TTF1: variants seen among roughly 807,000 people sequenced by gnomAD.
The protein encoded by TTF1 is transcription termination factor, RNA polymerase I.
In TTF1, 64 loss-of-function variants were observed where a neutral mutation model predicts 80.2. The ratio of observed to expected loss-of-function variants is 0.80; its 90% CI spans 0.65 to 0.98. The LOEUF is 0.98. Among genes scored for constraint, TTF1 ranks in the 50% least tolerant of loss-of-function variants. The pLI is 0.00. For synonymous variants in TTF1, 372 were observed against 382.7 expected, an observed-to-expected ratio of 0.97 and a Z score of 0.33; for missense variants, 1,023 against 1,086.2, an observed-to-expected ratio of 0.94 and a Z score of 0.82.
At chr9:132,399,152 T>C (rs1446896852) in intron 3 of TTF1, among the ~76,000 whole-genome samples, 1 of 140,154 alleles carries the variant, frequency 7.1e-6, no homozygotes. Flanking sequence ...TGAGCCGAGA[T>C]CATGCCACTG....
chr9:132,377,947 GGTGTGAGTGCATGTGGTGT>G (rs1849259458), intron 10 of TTF1, among the ~76,000 whole-genome samples: 3 of 124,680 alleles, frequency 2.4e-5, no homozygotes, highest in Admixed American at 8.5e-5. Flanking sequence ...GAATGCATGT[GGTGTGAGTGCATGTGGTGT>G]GTGTGAGTGC....
rs548985050 is a variant in TTF1 at position 132,389,182 on chromosome 9, C to CTTT, written c.2223-957_2223-955dup. On this transcript the variant is annotated intron_variant, in intron 7 of 10. Transcript: ENST00000334270. ...ACTTGAGGCTTATAACTCACTCTTC[C>CTTT]TTTTTTTTTTTTTTTTTTGAGACGG... Among the ~76,000 whole-genome samples the CTTT allele has an allele frequency of 3.4e-4, 46 of 135,112 alleles. 1 individual carries two copies. The highest frequency in any genetic ancestry group is 1.2e-3 in the African/African-American group (41 of 35,146). 88.6% of individuals were successfully genotyped at this position (135,112 alleles called of 152,430 possible). A position where few individuals can be genotyped will look rare whatever the true frequency, so the allele number is the denominator to read the frequency against.
Position 132,401,986 on chromosome 9 carries a change from T to G in TTF1, c.836A>C (p.Lys279Thr). 6.2e-7 allele frequency: 1 copy of G among 1,613,326 alleles called. No individual in the cohort carries two copies. Among genetic ancestry groups the G allele is most frequent in the Non-Finnish European group, 8.5e-7 (1 of 1,179,618 alleles). The change falls in exon 2 of 11, where the codon AAG becomes ACG. Residue 279 changes from lysine to threonine, a missense_variant. Coordinates refer to ENST00000334270, the MANE Select transcript of TTF1 (RefSeq NM_007344.4). ...TTCCTGGTGATTGGACTTTTTCTTCTTTTTTTTCTTAGACTTTTTTTTGTG... is the reference window on the plus strand; with the variant it reads ...TTCCTGGTGATTGGACTTTTTCTTCGTTTTTTTCTTAGACTTTTTTTTGTG... ...PTHKKKSKKK[K>T]KKKSNHQEFE...
At chr9:132,390,931 T>G in intron 6 of TTF1, 100 bp from the exon 7 acceptor site, 1 of 1,061,934 alleles carries the variant, frequency 9.4e-7, no homozygotes, top group Non-Finnish European at 1.4e-6. Context: ...CAGAAAATAA[T>G]GTGCATCTCA....
chr9:132,405,445 T>C (rs1459376533), intron 1 of TTF1, among the ~76,000 whole-genome samples: 1 of 152,188 alleles, frequency 6.6e-6, no homozygotes, highest in Non-Finnish European at 1.5e-5. Flanking sequence ...TGACCTCAGG[T>C]GACCCACCTG....
At chr9:132,386,513 T>C in intron 9 of TTF1, 43 bp downstream of exon 9, 1 of 1,426,296 alleles carries the variant, frequency 7.0e-7, no homozygotes, top group Non-Finnish European at 9.8e-7. Flanking sequence ...TATTAAGTCA[T>C]CTCTATATTT....
In TTF1 at chr9:132,401,499, T is replaced by A; in HGVS notation, c.1323A>T (p.Lys441Asn). The A allele has an allele frequency of 6.2e-7, 1 of 1,613,990 alleles. No homozygotes were observed. Among genetic ancestry groups the A allele is most frequent in the Non-Finnish European group, 8.5e-7 (1 of 1,179,948 alleles). ...EGVKSRPRQK[K>N]TQACLASKHV... ...GCTTGCTTGCCAAACAGGCCTGGGT[T>A]TTCTTTTGTCGGGGCCTAGATTTCA... is the stretch of plus-strand genomic sequence containing the variant. Residue 441 changes from lysine (K) to asparagine (N), a missense_variant, in exon 2 of 11, where the codon AAA becomes AAT. Coordinates refer to ENST00000334270, the MANE Select transcript of TTF1 (RefSeq NM_007344.4).
intron 5 of TTF1, among the ~76,000 whole-genome samples, chr9:132,394,579 C>A (rs1849613807): frequency 6.6e-6 from 1 of 151,980 alleles, no homozygotes; most frequent in East Asian, 2.0e-4. Flanking sequence ...CTGTGCCTGG[C>A]CTACTTTTCA....
At chr9:132,395,885 C>A (rs973062300) in intron 5 of TTF1, among the ~76,000 whole-genome samples, 2 of 152,146 alleles carry the variant, frequency 1.3e-5, no homozygotes, top group African/African-American at 4.8e-5. Context: ...GCTCGGTCTA[C>A]GTTTGGTTTG....
chr9:132,385,049 T>C (rs1280417038), intron 9 of TTF1, among the ~76,000 whole-genome samples: 3 of 152,086 alleles, frequency 2.0e-5, no homozygotes, highest in East Asian at 3.8e-4. Flanking sequence ...TCCTTATGGG[T>C]GGGGCATGAT....
At chr9:132,378,652 A>G (rs1479455436) in intron 10 of TTF1, among the ~76,000 whole-genome samples, 1 of 65,004 alleles carries the variant, frequency 1.5e-5, no homozygotes. Flanking sequence ...ATGTGGTGTG[A>G]GTGCATACGT....
intron 2 of TTF1, 74 bp from the exon 3 acceptor site, chr9:132,400,332 T>C (rs1564190195): frequency 2.4e-6 from 3 of 1,273,380 alleles, no homozygotes; most frequent in Non-Finnish European, 2.3e-6. Context: ...TTTTTCCTTC[T>C]TTTTTTTCGT....
At chr9:132,388,341 T>TA in intron 7 of TTF1, 113 bp from the exon 8 acceptor site, 1 of 689,698 alleles carries the variant, frequency 1.4e-6, no homozygotes, top group South Asian at 2.1e-5. Context: ...TTCTAACTTT[T>TA]CTTTTTTTTT....
chr9:132,402,189 TG>T lies in TTF1; in HGVS notation c.632del (p.Pro211GlnfsTer57), dbSNP rs1849778935. 1 of 1,614,058 alleles carries T rather than the reference TG, an allele frequency of 6.2e-7. No individual in the cohort carries two copies. Among genetic ancestry groups the T allele is most frequent in the African/African-American group, 1.3e-5 (1 of 74,910 alleles). ...VGPGGEITEL[P>X]ASAHKNKSKK... is the part of the protein sequence containing the mutation. ...TAGACTTGTTTTTATGAGCAGATGC[TG>T]GTAGTTCTGTAATTTCACCCCCTGG... On this transcript the variant is annotated frameshift_variant, in exon 2 of 11. Coordinates refer to ENST00000334270, the MANE Select transcript of TTF1 (RefSeq NM_007344.4). LOFTEE classifies it high-confidence loss of function.
chr9:132,380,076 C>CTT (rs908325736), intron 9 of TTF1, among the ~76,000 whole-genome samples: 3 of 145,184 alleles, frequency 2.1e-5, no homozygotes, highest in African/African-American at 7.5e-5. Flanking sequence ...GCATTATCTT[C>CTT]TTTTTTTTTT....
intron 9 of TTF1, among the ~76,000 whole-genome samples, chr9:132,382,444 C>T (rs1446983083): frequency 6.6e-6 from 1 of 152,110 alleles, no homozygotes; most frequent in Non-Finnish European, 1.5e-5. Flanking sequence ...AATTATGTAC[C>T]TTGTGACGTA....
intron 4 of TTF1, 62 bp downstream of exon 4, chr9:132,398,079 G>T: frequency 1.4e-6 from 2 of 1,425,516 alleles, no homozygotes; most frequent in Non-Finnish European, 1.9e-6. Context: ...ACTTACCATG[G>T]GTTATCTTGT....
chr9:132,389,933 T>C (rs1564186313), intron 7 of TTF1, among the ~76,000 whole-genome samples: 1 of 152,204 alleles, frequency 6.6e-6, no homozygotes, highest in Non-Finnish European at 1.5e-5. Context: ...ACTACACTTG[T>C]GATTTCTCTC....
At chr9:132,398,726 C>G (rs1849703060) in intron 3 of TTF1, among the ~76,000 whole-genome samples, 1 of 152,086 alleles carries the variant, frequency 6.6e-6, no homozygotes, top group Non-Finnish European at 1.5e-5. Flanking sequence ...TCCCGAGTAG[C>G]TGGGACTACA....
Sources: allele counts gnomAD v4.1 joint callset (sites outside exome capture counted in the v4.1 genomes callset), GRCh38; gene constraint gnomAD v4.1.1; transcripts MANE v1.5; gene names NCBI Gene and HGNC (gene_info 2026-07-23, HGNC 2026-07-21).